The following PGS1 variants were observed in gnomAD, a reference collection of about 807,000 sequenced individuals.
PGS1 encodes CDP-diacylglycerol--glycerol-3-phosphate 3-phosphatidyltransferase, mitochondrial.
A neutral mutation model predicts 58.3 loss-of-function variants in PGS1; 44 were observed. The ratio of observed to expected loss-of-function variants is 0.75; its 90% CI spans 0.59 to 0.97. The LOEUF (loss-of-function observed/expected upper bound fraction) is 0.97, where lower values mean the gene tolerates loss of function less well. PGS1 is among the 50% of genes least tolerant of loss of function. The pLI is 0.00. For missense variants in PGS1, 684 were observed against 731.1 expected, an observed-to-expected ratio of 0.94 and a Z score of 0.74; for synonymous variants, 330 against 311.0, an observed-to-expected ratio of 1.06 and a Z score of -0.64.
At chr17:78,404,956 G>A (rs960786718) in intron 7 of PGS1, among the ~76,000 whole-genome samples, 39 of 152,056 alleles carry the variant, frequency 2.6e-4, no homozygotes, top group African/African-American at 8.0e-4. Flanking sequence ...CACCACGCCC[G>A]GCCCTTAGCC....
intron 6 of PGS1, among the ~76,000 whole-genome samples, chr17:78,402,450 A>G (rs566047769): frequency 1.6e-4 from 24 of 151,598 alleles, no homozygotes; most frequent in African/African-American, 5.6e-4. Flanking sequence ...ACACATATGT[A>G]TGTATATATT....
intron 2 of PGS1, among the ~76,000 whole-genome samples, chr17:78,393,487 A>G (rs2082988160): frequency 6.6e-6 from 1 of 152,206 alleles, no homozygotes; most frequent in Non-Finnish European, 1.5e-5. Context: ...TAAAGGTGAC[A>G]GGGGAGGAGG....
chr17:78,400,714 G>A lies in PGS1; in HGVS notation c.739G>A (p.Asp247Asn). Reference protein sequence around the residue: ...LSDSYFTNRQDRYVFLQDCAE... With the variant: ...LSDSYFTNRQNRYVFLQDCAE... ...TGACTCCTACTTCACCAACCGCCAG[G>A]ACCGCTACGTGTTCCTGCAGGACTG... is the stretch of plus-strand genomic sequence containing the variant. The change falls in exon 6 of 10, where the codon GAC (aspartate) becomes AAC (asparagine). Residue 247 changes from aspartate to asparagine, a missense_variant. Physicochemically the swap from Asp to Asn is conservative, Grantham distance 23. Transcript: ENST00000262764. This position sits in a 1 kb window ranked among gnomAD's most constrained non-coding sequence, Gnocchi z 4.4. 6.2e-7 allele frequency: 1 copy of A among 1,613,978 alleles called. No individual in the cohort carries two copies. Among genetic ancestry groups the A allele is most frequent in the Non-Finnish European group, 8.5e-7 (1 of 1,179,976 alleles).
intron 8 of PGS1, among the ~76,000 whole-genome samples, chr17:78,417,816 C>T (rs1310175911): frequency 6.0e-5 from 9 of 151,128 alleles, no homozygotes; most frequent in East Asian, 5.8e-4. Context: ...ACTGTGTGAG[C>T]GCTGCCAGGC....
At chr17:78,386,999 A>G (rs57283930) in intron 1 of PGS1, among the ~76,000 whole-genome samples, 8 of 149,242 alleles carry the variant, frequency 5.4e-5, no homozygotes, top group Middle Eastern at 6.8e-3. Flanking sequence ...GGTGATGATG[A>G]TGATGATGGT....
rs199507023 is a variant in PGS1, at chr17:78,399,339, C to T, written c.512-9C>T. 456 of 1,611,726 alleles carry T rather than the reference C, an allele frequency of 2.8e-4. 5 individuals are homozygous for T. In the South Asian group the frequency reaches 3.2e-3, roughly 11 times the overall value. Reference sequence around the variant, plus strand: ...TGAGTCAGGTGCCGTTTTCTCTGTCCGTGTTCAGGCCGGAAGAACTCCCGC... The same window carrying T: ...TGAGTCAGGTGCCGTTTTCTCTGTCTGTGTTCAGGCCGGAAGAACTCCCGC... On this transcript the variant is annotated splice_polypyrimidine_tract_variant and intron_variant, in intron 4 of 9. Transcript: ENST00000262764.
Position 78,396,339 on chromosome 17 carries a change from T to A in PGS1, c.365T>A (p.Val122Glu). The change falls in exon 3 of 10, where the codon GTG (valine) becomes GAG (glutamate). Residue 122 changes from valine (V) to glutamate (E), a missense_variant. By Grantham distance (121) the Val-to-Glu change is moderately radical. Transcript: ENST00000262764. ...GQIRVAKRRV[V>E]MASLYLGTGP... ...ATAAGAGTAGCCAAGAGGCGGGTCG[T>A]GATGGCATCCCTCTACCTGGGGACA... 2 of 1,613,924 alleles carry A rather than the reference T, an allele frequency of 1.2e-6. No individual in the cohort carries two copies. Among genetic ancestry groups the A allele is most frequent in the South Asian group, 2.2e-5 (2 of 91,052 alleles).
At position 78,403,815 on chromosome 17, in the gene PGS1, G is replaced by A. The variant is rs776435134; in HGVS notation, c.1128G>A (p.Ala376=). ...EIVTETLLTE[A]ERGAKVYLTT... The stretch of plus-strand genomic sequence containing the variant: ...TCACTGAGACCCTGTTGACTGAGGC[G>A]GAGCGCGGGGCAAAGGTCTACCTCA... Residue 376 remains alanine, a synonymous_variant, in exon 7 of 10, where the codon GCG becomes GCA. Transcript: ENST00000262764. 4.8e-5 allele frequency: 78 copies of A among 1,614,084 alleles called. No individual in the cohort carries two copies. The highest frequency in any genetic ancestry group is 6.7e-5 in the East Asian group (3 of 44,898).
At chr17:78,411,553 C>T (rs918495202) in intron 7 of PGS1, among the ~76,000 whole-genome samples, 1 of 152,212 alleles carries the variant, frequency 6.6e-6, no homozygotes, top group African/African-American at 2.4e-5. Context: ...ATCTCTGCCC[C>T]ATGAACTGCC....
In PGS1 at chr17:78,382,482, G is replaced by A. The variant is rs192648433; in HGVS notation, c.143+3674G>A. ...AAGAAGAGGCTCAGGTTTTGGGGAT[G>A]ATGGTAAAGTGCATTTGGGTTATGT... On this transcript the variant is annotated intron_variant, in intron 1 of 9. Coordinates refer to ENST00000262764, the MANE Select transcript of PGS1 (RefSeq NM_024419.5). Among the ~76,000 whole-genome samples, 216 of 152,208 alleles carry A rather than the reference G, an allele frequency of 1.4e-3. 2 individuals carry two copies. Among genetic ancestry groups the A allele is most frequent in the African/African-American group, 4.8e-3 (200 of 41,510 alleles).
In PGS1 at chr17:78,392,303, G is replaced by A. The variant is rs2082891177; in HGVS notation, c.144-173G>A. Among the ~76,000 whole-genome samples, 3 of 152,302 alleles carry A rather than the reference G, an allele frequency of 2.0e-5. No homozygotes were observed. In the South Asian group the frequency reaches 6.2e-4, roughly 32 times the overall value. On this transcript the variant is annotated intron_variant, in intron 1 of 9. Coordinates refer to ENST00000262764, the MANE Select transcript of PGS1 (RefSeq NM_024419.5). ...AGGGGGCTGAAGGAAAAATCCTTTA[G>A]CAGAGCTTGAGTTGGGCTCACTTTT...
At chr17:78,412,904 C>G (rs1170873444) in intron 7 of PGS1, among the ~76,000 whole-genome samples, 2 of 152,128 alleles carry the variant, frequency 1.3e-5, no homozygotes, top group Non-Finnish European at 2.9e-5. Flanking sequence ...CTGGCGGACG[C>G]CTGCCTTGCA....
intron 1 of PGS1, among the ~76,000 whole-genome samples, chr17:78,387,962 G>A (rs1173778745): frequency 3.3e-5 from 5 of 152,110 alleles, no homozygotes; most frequent in East Asian, 1.9e-4. Context: ...TCATTGTGGC[G>A]ACCTGTGTAA....
intron 7 of PGS1, among the ~76,000 whole-genome samples, chr17:78,408,600 G>T (rs2084358848): frequency 6.6e-6 from 1 of 152,232 alleles, no homozygotes; most frequent in African/African-American, 2.4e-5. Context: ...AGGGAGTGGG[G>T]TGGGGGCCTT....
rs1445940698 is a variant in PGS1 at position 78,399,448 on chromosome 17, T to G, written c.612T>G (p.Leu204=). 6.2e-7 allele frequency: 1 copy of G among 1,614,150 alleles called. No homozygotes were observed. Among genetic ancestry groups the G allele is most frequent in the South Asian group, 1.1e-5 (1 of 91,088 alleles). Residue 204 remains leucine (L), a synonymous_variant, in exon 5 of 10, where the codon CTT becomes CTG. Coordinates refer to ENST00000262764, the MANE Select transcript of PGS1 (RefSeq NM_024419.5). ...ACACGCCGCACCTCCGTGGGCTGCT[T>G]CGGCTCCTCATCCCTGAGCGCTTCA... ...LFHTPHLRGL[L]RLLIPERFNE... is the part of the protein sequence containing the mutation.
In PGS1 at chr17:78,378,685, C is replaced by A. The variant is rs767020264; in HGVS notation, c.20C>A (p.Ala7Asp). MAVAAA[A>D]AAGPVFWRRL... ...GTCTCCATGGCGGTGGCGGCGGCAGCTGCGGCGGGACCCGTGTTCTGGAGG... is the reference window on the plus strand; with the variant it reads ...GTCTCCATGGCGGTGGCGGCGGCAGATGCGGCGGGACCCGTGTTCTGGAGG... The change falls in exon 1 of 10, where the codon GCT becomes GAT. Residue 7 changes from alanine (A) to aspartate (D), a missense_variant. Coordinates refer to ENST00000262764, the MANE Select transcript of PGS1 (RefSeq NM_024419.5). 3 of 1,527,290 alleles carry A rather than the reference C, an allele frequency of 2.0e-6. No individual in the cohort carries two copies. Among genetic ancestry groups the A allele is most frequent in the Non-Finnish European group, 2.6e-6 (3 of 1,144,074 alleles). 94.6% of individuals were successfully genotyped at this position (1,527,290 alleles called of 1,614,324 possible). A position where few individuals can be genotyped will look rare whatever the true frequency, so the allele number is the denominator to read the frequency against.
chr17:78,418,161 C>T (rs1449811335), intron 8 of PGS1, among the ~76,000 whole-genome samples: 1 of 152,010 alleles, frequency 6.6e-6, no homozygotes, highest in Admixed American at 6.6e-5. Context: ...AACTCCTGAC[C>T]TCAAGTGATC....
At position 78,384,959 on chromosome 17, in the gene PGS1, C is replaced by T. The variant is rs938349; in HGVS notation, c.143+6151C>T. Among the ~76,000 whole-genome samples the T allele has an allele frequency of 9.1e-3, 1,388 of 152,272 alleles. 20 individuals are homozygous for T. The highest frequency in any genetic ancestry group is 0.032 in the African/African-American group (1,327 of 41,532). ...TGGCATCCCTTCTCTGAGAAGCGGG[C>T]GCCCGGTAGGGCCTCCAGGCGCTGT... On this transcript the variant is annotated intron_variant, in intron 1 of 9. Transcript: ENST00000262764.
chr17:78,411,139 C>T (rs1218743670), intron 7 of PGS1, among the ~76,000 whole-genome samples: 3 of 152,158 alleles, frequency 2.0e-5, no homozygotes, highest in African/African-American at 4.8e-5. Flanking sequence ...TCCATGCCAC[C>T]GTCTGGGGCC....
Sources: gnomAD v4.1 joint callset for allele counts (sites outside exome capture counted in the v4.1 genomes callset) on GRCh38, gnomAD v4.1.1 for gene constraint, Gnocchi (gnomAD v3.1) non-coding constraint, MANE v1.5 for transcripts, NCBI Gene and HGNC (gene_info 2026-07-23, HGNC 2026-07-21) for gene names.